CELF2: variants seen among roughly 807,000 people sequenced by gnomAD.
The protein encoded by CELF2 is CUGBP Elav-like family member 2, also known as CUG triplet repeat RNA-binding protein 2.
CELF2 carries 8 observed loss-of-function variants against 62.6 expected under a neutral mutation model. The observed-to-expected ratio is 0.13, with a 90% CI of 0.07 to 0.23. CELF2 has a LOEUF of 0.23. CELF2 is among the 10% of genes least tolerant of loss of function. The pLI, the probability that CELF2 is intolerant of heterozygous loss-of-function variation, is 1.00. For missense variants in CELF2, 333 were observed against 671.0 expected, an observed-to-expected ratio of 0.50 and a Z score of 5.56; for synonymous variants, 258 against 250.0, an observed-to-expected ratio of 1.03 and a Z score of -0.30.
the CELF2 span, among the ~76,000 whole-genome samples, chr10:10,560,395 C>T: frequency 6.6e-6 from 1 of 152,168 alleles, no homozygotes; most frequent in East Asian, 1.9e-4. Context: ...GGATTACCAA[C>T]CATCTAATGT....
the CELF2 span, among the ~76,000 whole-genome samples, chr10:10,734,051 T>G: frequency 6.6e-6 from 1 of 152,338 alleles, no homozygotes; most frequent in East Asian, 1.9e-4. Flanking sequence ...AATTACTAAT[T>G]GTTCAACAAA....
At position 11,321,432 on chromosome 10, in the gene CELF2, G is replaced by A. The variant is rs755998091; in HGVS notation, c.1294+46G>A. 21 of 1,509,874 alleles carry A rather than the reference G, an allele frequency of 1.4e-5. No individual in the cohort carries two copies. Among genetic ancestry groups the A allele is most frequent in the African/African-American group, 4.1e-5 (3 of 72,906 alleles). The allele number at this position is 1,509,874 out of a possible 1,614,324, so 93.5% of individuals were successfully genotyped here. A position where few individuals can be genotyped will look rare whatever the true frequency, so the allele number is the denominator to read the frequency against. On this transcript the variant is annotated intron_variant, in intron 11 of 12. Transcript: ENST00000633077. The surrounding 1 kb of genome is among the most constrained non-coding windows in gnomAD (Gnocchi z 6.2). ...CAGGCAGGGCCCAGCCCAACAGGCA[G>A]CACTGGCCTCTAGAGCACGGTTAGA...
Position 11,178,174 on chromosome 10 carries a change from T to G in CELF2, c.271+12492T>G, listed in dbSNP as rs1274810419. 2.6e-5 allele frequency among the ~76,000 whole-genome samples: 4 copies of G among 152,216 alleles called. No individual in the cohort carries two copies. ...TTCGGCGCAAAGAGGAAATGCGCGT[T>G]CTGTGCCCAGTCCTCGCTCCCCTTT... On this transcript the variant is annotated intron_variant, in intron 2 of 12. Coordinates refer to ENST00000633077, the MANE Select transcript of CELF2 (RefSeq NM_001326342.2). The surrounding 1 kb of genome is among the most constrained non-coding windows in gnomAD (Gnocchi z 4.3).
the CELF2 span, among the ~76,000 whole-genome samples, chr10:10,652,837 ACAT>A: frequency 6.6e-6 from 1 of 152,148 alleles, no homozygotes; most frequent in African/African-American, 2.4e-5. Context: ...TCACCAGCTA[ACAT>A]CATAATGACA....
chr10:10,572,682 T>C, the CELF2 span, among the ~76,000 whole-genome samples: 1 of 152,212 alleles, frequency 6.6e-6, no homozygotes, highest in Non-Finnish European at 1.5e-5. Flanking sequence ...GCAAAGAACA[T>C]GATCTCATTC....
intron 1 of CELF2, among the ~76,000 whole-genome samples, chr10:11,061,731 G>C (rs1291839): frequency 0.33 from 49,650 of 152,044 alleles, 8,814 homozygotes; most frequent in African/African-American, 0.43. Context: ...TTTACTAAAC[G>C]TACTCTTCCA....
intron 9 of CELF2, among the ~76,000 whole-genome samples, chr10:11,294,094 T>G (rs1188914568): frequency 6.6e-6 from 1 of 152,216 alleles, no homozygotes; most frequent in Non-Finnish European, 1.5e-5. Flanking sequence ...TATGAAGCAG[T>G]CTTTTTATTA....
rs1197330457 is a variant in CELF2 at position 10,995,076 on chromosome 10, A to G, written c.89+75077A>G. ...CCCATAAAATCCCACAGCATTAGAC[A>G]CTGCATTATTCTTTGTTTCCCAAAT... On this transcript the variant is annotated intron_variant, in intron 2 of 13. Coordinates refer to the CELF2 transcript ENST00000636488. The surrounding 1 kb of genome is among the most constrained non-coding windows in gnomAD (Gnocchi z 4.7). 6.6e-6 allele frequency among the ~76,000 whole-genome samples: 1 copy of G among 152,132 alleles called. No individual in the cohort carries two copies. Among genetic ancestry groups the G allele is most frequent in the Non-Finnish European group, 1.5e-5 (1 of 68,028 alleles).
At chr10:10,820,951 T>C (rs2056910903) in intron 1 of CELF2, among the ~76,000 whole-genome samples, 1 of 152,188 alleles carries the variant, frequency 6.6e-6, no homozygotes, top group Non-Finnish European at 1.5e-5. Context: ...TTATTGTAGA[T>C]ATCCCGGCCA....
At chr10:10,843,170 G>A (rs2058795635) in intron 1 of CELF2, among the ~76,000 whole-genome samples, 1 of 151,898 alleles carries the variant, frequency 6.6e-6, no homozygotes, top group African/African-American at 2.4e-5. Flanking sequence ...GGCAATTTGT[G>A]TCTCCACAAA....
At chr10:11,130,505 A>G (rs2059455653) in intron 1 of CELF2, among the ~76,000 whole-genome samples, 1 of 152,224 alleles carries the variant, frequency 6.6e-6, no homozygotes, top group African/African-American at 2.4e-5. Context: ...GCTTTGCACT[A>G]AAAGTGCTCT....
At chr10:10,927,733 A>C (rs2065671497) in intron 2 of CELF2, among the ~76,000 whole-genome samples, 1 of 152,004 alleles carries the variant, frequency 6.6e-6, no homozygotes, top group South Asian at 2.1e-4. Flanking sequence ...CCAACCTAAA[A>C]TTTATCTTCA....
At chr10:10,603,157 T>C in the CELF2 span, among the ~76,000 whole-genome samples, 5 of 123,098 alleles carry the variant, frequency 4.1e-5, no homozygotes, top group Admixed American at 1.8e-4. Context: ...GTCAGATAAA[T>C]GTGTGCATAT....
rs1403541011 is a variant in CELF2, at chr10:11,315,398, T to G, written c.1096+1140T>G. 6.6e-6 allele frequency among the ~76,000 whole-genome samples: 1 copy of G among 152,146 alleles called. No individual in the cohort carries two copies. The highest frequency in any genetic ancestry group is 1.9e-4 in the East Asian group (1 of 5,196). On this transcript the variant is annotated intron_variant, in intron 10 of 12. Coordinates refer to ENST00000633077, the MANE Select transcript of CELF2 (RefSeq NM_001326342.2). This position sits in a 1 kb window ranked among gnomAD's most constrained non-coding sequence, Gnocchi z 5.8. ...CAATAAGTGGACTGTTTTTAAAGGG[T>G]GACCAGGCAGTATACTTTTTTAAAG...
intron 9 of CELF2, among the ~76,000 whole-genome samples, chr10:11,293,224 C>T (rs138587130): frequency 9.6e-4 from 147 of 152,350 alleles, no homozygotes; most frequent in Non-Finnish European, 1.9e-3. Context: ...TCTAATACAT[C>T]ACTAATACTT....
intron 2 of CELF2, among the ~76,000 whole-genome samples, chr10:11,201,834 C>G (rs1055475752): frequency 6.6e-6 from 1 of 152,144 alleles, no homozygotes; most frequent in Non-Finnish European, 1.5e-5. Flanking sequence ...CAATTATCAT[C>G]TTCAGGAACA....
the CELF2 span, among the ~76,000 whole-genome samples, chr10:10,598,849 G>A: frequency 9.6e-5 from 14 of 146,440 alleles, no homozygotes; most frequent in Non-Finnish European, 1.8e-4. Context: ...CGCCTCCCGG[G>A]TTAAAGCAAT....
At chr10:10,698,415 A>G in the CELF2 span, among the ~76,000 whole-genome samples, 1 of 152,336 alleles carries the variant, frequency 6.6e-6, no homozygotes, top group Non-Finnish European at 1.5e-5. Flanking sequence ...TACAAGGAGG[A>G]TTAATAAGAA....
chr10:10,561,908 G>T, the CELF2 span, among the ~76,000 whole-genome samples: 52,837 of 152,020 alleles, frequency 0.35, 10,052 homozygotes, highest in South Asian at 0.45. Flanking sequence ...CTAGGTGCAG[G>T]TTCAGCCCCC....
Sources: allele counts gnomAD v4.1 joint callset (sites outside exome capture counted in the v4.1 genomes callset), GRCh38; gene constraint gnomAD v4.1.1; non-coding constraint Gnocchi (gnomAD v3.1); transcripts MANE v1.5; gene names NCBI Gene and HGNC (gene_info 2026-07-23, HGNC 2026-07-21).